Variants in ZMYM2 observed in about 807,000 individuals in gnomAD.
The protein encoded by ZMYM2 is zinc finger MYM-type protein 2.
A neutral mutation model predicts 162.8 loss-of-function variants in ZMYM2; 56 were observed. The ratio of observed to expected loss-of-function variants is 0.34; its 90% CI spans 0.28 to 0.43. ZMYM2 has a LOEUF of 0.43. Ranked by LOEUF, ZMYM2 falls within the 20% of genes least tolerant of loss-of-function variation. ZMYM2 has a pLI of 1.00. For synonymous variants in ZMYM2, 510 were observed against 541.6 expected (o/e 0.94, Z 0.81); for missense variants, 1,275 against 1,621.8 (o/e 0.79, Z 3.67).
intron 14 of ZMYM2, among the ~76,000 whole-genome samples, chr13:20,053,239 T>G (rs1182132421): frequency 6.6e-6 from 1 of 152,204 alleles, no homozygotes; most frequent in Admixed American, 6.5e-5. Context: ...ATAAAGTCTC[T>G]GGGCTAGTTC....
At chr13:19,897,398 AC>A in the ZMYM2 span, among the ~76,000 whole-genome samples, 1 of 152,090 alleles carries the variant, frequency 6.6e-6, no homozygotes, top group Non-Finnish European at 1.5e-5. Flanking sequence ...ATTACAGGAG[AC>A]TCACTTTTGA....
chr13:19,913,174 C>T, the ZMYM2 span, among the ~76,000 whole-genome samples: 1 of 152,084 alleles, frequency 6.6e-6, no homozygotes, highest in Admixed American at 6.6e-5. Flanking sequence ...GCAGAGCAAG[C>T]TCATAGGATT....
Position 20,059,500 on chromosome 13 carries a change from A to G in ZMYM2, c.2677A>G (p.Ile893Val). The G allele has an allele frequency of 6.4e-7, 1 of 1,555,582 alleles. No homozygotes were observed. The highest frequency in any genetic ancestry group is 1.1e-5 in the South Asian group (1 of 89,810). Reference protein sequence around the residue: ...VPVPIPVPVYIPVPMHMYSQN... With the variant: ...VPVPIPVPVYVPVPMHMYSQN... ...AGTGCCTATCCCTGTGCCTGTGTAT[A>G]TCCCAGTTCCTATGCACATGTACAG... The change falls in exon 16 of 25, where the codon ATC (isoleucine) becomes GTC (valine). Residue 893 changes from isoleucine to valine, a missense_variant. Coordinates refer to ENST00000610343, the MANE Select transcript of ZMYM2 (RefSeq NM_197968.4).
chr13:19,883,103 G>A, the ZMYM2 span, among the ~76,000 whole-genome samples: 1 of 152,284 alleles, frequency 6.6e-6, no homozygotes, highest in East Asian at 1.9e-4. Flanking sequence ...GCTACAACAT[G>A]AATGAACCTC....
At chr13:19,982,116 A>G (rs1162785891) in intron 2 of ZMYM2, among the ~76,000 whole-genome samples, 6 of 152,106 alleles carry the variant, frequency 3.9e-5, no homozygotes, top group Admixed American at 2.6e-4. Flanking sequence ...CTCAGATTCA[A>G]CTGAAATAAA....
chr13:19,980,074 G>A (rs937442131), intron 2 of ZMYM2, among the ~76,000 whole-genome samples: 7 of 150,752 alleles, frequency 4.6e-5, no homozygotes, highest in Non-Finnish European at 1.0e-4. Flanking sequence ...ATAAATGTTC[G>A]GTATTCTTGT....
intron 11 of ZMYM2, among the ~76,000 whole-genome samples, chr13:20,034,761 C>T (rs568755415): frequency 6.6e-6 from 1 of 152,250 alleles, no homozygotes; most frequent in South Asian, 2.1e-4. Flanking sequence ...TACTACCTAA[C>T]CTGCAAAGGT....
the ZMYM2 span, among the ~76,000 whole-genome samples, chr13:19,953,264 G>A: frequency 2.0e-5 from 3 of 152,254 alleles, no homozygotes; most frequent in Admixed American, 2.0e-4. Context: ...CTTCACCTCT[G>A]CATACTTTTC....
chr13:20,030,631 T>A (rs373789456), intron 9 of ZMYM2, among the ~76,000 whole-genome samples: 1 of 151,926 alleles, frequency 6.6e-6, no homozygotes, highest in Non-Finnish European at 1.5e-5. Context: ...ATCTCCTGAC[T>A]TCGTGATCCG....
intron 8 of ZMYM2, 133 bp from the exon 9 acceptor site, chr13:20,027,070 A>G (rs1223202084): frequency 3.1e-6 from 2 of 644,044 alleles, no homozygotes; most frequent in African/African-American, 3.8e-5. Flanking sequence ...AAGTGCACAT[A>G]ATCTTCAGTA....
the ZMYM2 span, among the ~76,000 whole-genome samples, chr13:19,933,097 C>T: frequency 5.9e-5 from 9 of 152,096 alleles, no homozygotes; most frequent in African/African-American, 1.7e-4. Context: ...TACAGGCATG[C>T]ACCACCACTG....
At chr13:20,039,517 A>G (rs867815324) in intron 12 of ZMYM2, among the ~76,000 whole-genome samples, 5 of 140,762 alleles carry the variant, frequency 3.6e-5, no homozygotes, top group African/African-American at 1.4e-4. Flanking sequence ...TCTGTTGCCC[A>G]GGCTGGAGTG....
At chr13:19,879,211 A>G in the ZMYM2 span, among the ~76,000 whole-genome samples, 23 of 152,306 alleles carry the variant, frequency 1.5e-4, no homozygotes, top group East Asian at 4.4e-3. Context: ...GCATGTGAAT[A>G]TCCAATTTTC....
At chr13:19,916,342 C>T in the ZMYM2 span, among the ~76,000 whole-genome samples, 2 of 152,096 alleles carry the variant, frequency 1.3e-5, no homozygotes, top group African/African-American at 4.8e-5. Context: ...TACCATTTGA[C>T]CCAGTGATCC....
intron 2 of ZMYM2, among the ~76,000 whole-genome samples, chr13:19,979,513 T>G (rs913301640): frequency 6.6e-6 from 1 of 151,548 alleles, no homozygotes; most frequent in African/African-American, 2.4e-5. Context: ...GGTGAGGTAC[T>G]GACCTGACAA....
At chr13:20,022,947 T>C (rs933517691) in intron 7 of ZMYM2, among the ~76,000 whole-genome samples, 1 of 152,158 alleles carries the variant, frequency 6.6e-6, no homozygotes, top group African/African-American at 2.4e-5. Context: ...CAAAATACAG[T>C]TACCAAAATA....
At chr13:19,935,343 G>T in the ZMYM2 span, among the ~76,000 whole-genome samples, 4 of 151,386 alleles carry the variant, frequency 2.6e-5, no homozygotes, top group South Asian at 8.3e-4. Flanking sequence ...CACCATATTG[G>T]CCAGGCTGGT....
chr13:19,990,252 G>C (rs1309969409), intron 2 of ZMYM2, among the ~76,000 whole-genome samples: 1 of 152,208 alleles, frequency 6.6e-6, no homozygotes, highest in Non-Finnish European at 1.5e-5. Flanking sequence ...TAGGTGCTCT[G>C]TAAATCTGTT....
rs189951778 is a variant in ZMYM2, at chr13:19,978,403, T to C, written c.-10-14660T>C. On this transcript the variant is annotated intron_variant, in intron 2 of 24. Coordinates refer to ENST00000610343, the MANE Select transcript of ZMYM2 (RefSeq NM_197968.4). Reference sequence around the variant, plus strand: ...ATATTGTGTGCTCATTAATATAAATTTAAAATTACTGTTTTTTGGGTTTTT... The same window carrying C: ...ATATTGTGTGCTCATTAATATAAATCTAAAATTACTGTTTTTTGGGTTTTT... Among the ~76,000 whole-genome samples the C allele has an allele frequency of 1.1e-3, 171 of 152,244 alleles. 2 individuals are homozygous for C. Among genetic ancestry groups the C allele is most frequent in the Middle Eastern group, 6.8e-3 (2 of 294 alleles).
Sources: allele counts gnomAD v4.1 joint callset (sites outside exome capture counted in the v4.1 genomes callset), GRCh38; gene constraint gnomAD v4.1.1; transcripts MANE v1.5; gene names NCBI Gene and HGNC (gene_info 2026-07-23, HGNC 2026-07-21).